NXPE2: variants seen among roughly 807,000 people sequenced by gnomAD.
The protein encoded by NXPE2 is NXPE family member 2.
NXPE2 carries 34 observed loss-of-function variants against 34.4 expected under a neutral mutation model. The observed-to-expected ratio is 0.99, with a 90% confidence interval of 0.75 to 1.31. The LOEUF (loss-of-function observed/expected upper bound fraction) is 1.31. Among genes scored for constraint, NXPE2 ranks in the 40% most tolerant of loss-of-function variants. NXPE2 has a pLI of 0.00. For synonymous variants in NXPE2, 235 were observed against 231.3 expected, an observed-to-expected ratio of 1.02 and a Z score of -0.15; for missense variants, 649 against 672.5, an observed-to-expected ratio of 0.97 and a Z score of 0.39.
At chr11:114,798,435 C>A in the NXPE2 span, among the ~76,000 whole-genome samples, 141 of 152,150 alleles carry the variant, frequency 9.3e-4, no homozygotes, top group Non-Finnish European at 1.4e-3. Flanking sequence ...GACACCCAGG[C>A]TGGAGTGCAG....
At chr11:114,768,272 ATC>A in the NXPE2 span, among the ~76,000 whole-genome samples, 1 of 151,928 alleles carries the variant, frequency 6.6e-6, no homozygotes, top group African/African-American at 2.4e-5. Flanking sequence ...TGGTCTATAT[ATC>A]TGTTTTGGTA....
At chr11:114,533,123 G>C in the NXPE2 span, among the ~76,000 whole-genome samples, 1 of 152,166 alleles carries the variant, frequency 6.6e-6, no homozygotes, top group Non-Finnish European at 1.5e-5. Context: ...CAAGGTATGA[G>C]AATGATGGGG....
At chr11:114,530,740 T>A in the NXPE2 span, 1 of 1,614,118 alleles carries the variant, frequency 6.2e-7, no homozygotes. Flanking sequence ...TTCACATGGG[T>A]GAAAGGTCTG....
At chr11:114,604,757 T>TGGG in the NXPE2 span, among the ~76,000 whole-genome samples, 1 of 151,884 alleles carries the variant, frequency 6.6e-6, no homozygotes, top group African/African-American at 2.4e-5. Context: ...TATTGCCTCA[T>TGGG]TGGTAACCAC....
the NXPE2 span, among the ~76,000 whole-genome samples, chr11:114,765,825 T>C: frequency 6.6e-6 from 1 of 152,334 alleles, no homozygotes; most frequent in South Asian, 2.1e-4. Context: ...GACTTTTCTT[T>C]AGTGCTTCTC....
chr11:114,612,443 A>G, the NXPE2 span, among the ~76,000 whole-genome samples: 2 of 151,830 alleles, frequency 1.3e-5, no homozygotes, highest in African/African-American at 4.8e-5. Context: ...GTGGGTCACC[A>G]CTGCTACCTG....
At chr11:114,477,780 T>C in the NXPE2 span, among the ~76,000 whole-genome samples, 3 of 140,866 alleles carry the variant, frequency 2.1e-5, no homozygotes, top group East Asian at 5.8e-4. Context: ...AATTCAAGTA[T>C]TGAATTCAAT....
the NXPE2 span, among the ~76,000 whole-genome samples, chr11:114,725,518 G>A: frequency 2.0e-5 from 3 of 150,714 alleles, no homozygotes; most frequent in African/African-American, 4.9e-5. Flanking sequence ...TTTCCTGAGT[G>A]TTTTTTTTTA....
At chr11:114,468,179 A>C in the NXPE2 span, among the ~76,000 whole-genome samples, 2 of 152,030 alleles carry the variant, frequency 1.3e-5, no homozygotes, top group African/African-American at 4.8e-5. Flanking sequence ...ATTTTAAGAA[A>C]GTTTATGAAT....
chr11:114,773,136 C>T, the NXPE2 span, among the ~76,000 whole-genome samples: 1 of 152,192 alleles, frequency 6.6e-6, no homozygotes, highest in East Asian at 1.9e-4. Flanking sequence ...CAAACACAGG[C>T]CCACAGGGAA....
At chr11:114,684,902 A>G (rs189751729) in intron 2 of NXPE2, among the ~76,000 whole-genome samples, 1 of 152,152 alleles carries the variant, frequency 6.6e-6, no homozygotes, top group African/African-American at 2.4e-5. Flanking sequence ...GGAACACAGA[A>G]ATTTAGGTAT....
At chr11:114,626,478 A>G in the NXPE2 span, among the ~76,000 whole-genome samples, 1 of 152,208 alleles carries the variant, frequency 6.6e-6, no homozygotes, top group Non-Finnish European at 1.5e-5. Flanking sequence ...GTCTGTTAGA[A>G]GGAAAACTAA....
the NXPE2 span, among the ~76,000 whole-genome samples, chr11:114,608,968 G>C: frequency 2.0e-5 from 3 of 149,882 alleles, no homozygotes; most frequent in Non-Finnish European, 4.4e-5. Flanking sequence ...GAAAATAAGT[G>C]TTGCCTCGTG....
At chr11:114,618,000 C>A in the NXPE2 span, among the ~76,000 whole-genome samples, 1 of 151,996 alleles carries the variant, frequency 6.6e-6, no homozygotes, top group African/African-American at 2.4e-5. Flanking sequence ...TCGTGGGTAA[C>A]CAGTGTTACC....
upstream of NXPE2, chr11:114,678,507 AT>A: frequency 7.8e-7 from 1 of 1,282,534 alleles, no homozygotes; most frequent in Non-Finnish European, 1.1e-6. Context: ...CAACCCTAAG[AT>A]AAATGCAAAG....
At chr11:114,730,460 G>T in the NXPE2 span, among the ~76,000 whole-genome samples, 4 of 152,092 alleles carry the variant, frequency 2.6e-5, no homozygotes, top group Admixed American at 1.3e-4. Context: ...ACTTTAATAG[G>T]AATAGCATTG....
At chr11:114,591,617 T>A in the NXPE2 span, among the ~76,000 whole-genome samples, 1 of 152,172 alleles carries the variant, frequency 6.6e-6, no homozygotes, top group African/African-American at 2.4e-5. Flanking sequence ...CTCGAGGGTA[T>A]ACTTTCCAGC....
the NXPE2 span, chr11:114,553,916 A>G: frequency 4.1e-5 from 40 of 984,786 alleles, no homozygotes; most frequent in Non-Finnish European, 4.5e-5. Context: ...GGCTATAAAC[A>G]GGATTTTTGT....
At chr11:114,804,582 T>A in the NXPE2 span, among the ~76,000 whole-genome samples, 66 of 152,302 alleles carry the variant, frequency 4.3e-4, no homozygotes, top group Non-Finnish European at 6.9e-4. Context: ...TTTGTGTGAG[T>A]GTATTTGCAT....
Sources: allele counts gnomAD v4.1 joint callset (sites outside exome capture counted in the v4.1 genomes callset), GRCh38; gene constraint gnomAD v4.1.1; transcripts MANE v1.5; gene names NCBI Gene and HGNC (gene_info 2026-07-23, HGNC 2026-07-21).